Variants in RIT1 observed in about 807,000 individuals in gnomAD.
RIT1 encodes the protein GTP-binding protein Rit1.
RIT1 carries 6 observed loss-of-function variants against 25.6 expected under a neutral mutation model. The observed-to-expected ratio is 0.23, with a 90% CI of 0.13 to 0.46. RIT1 has a LOEUF of 0.46. Ranked by LOEUF, RIT1 falls within the 20% of genes least tolerant of loss-of-function variation. The probability of loss-of-function intolerance (pLI) is 0.99; values close to 1 mark genes in which losing one functional copy is unlikely to be tolerated. For missense variants in RIT1, 219 were observed against 284.4 expected, an observed-to-expected ratio of 0.77 and a Z score of 1.65; for synonymous variants, 81 against 94.1, an observed-to-expected ratio of 0.86 and a Z score of 0.80.
chr1:155,908,853 G>A (rs1673513522), intron 3 of RIT1, among the ~76,000 whole-genome samples: 1 of 151,824 alleles, frequency 6.6e-6, no homozygotes, highest in Middle Eastern at 3.4e-3. Context: ...ATGAGCCACC[G>A]CGCCTGGCCT....
chr1:155,898,492 T>TAAAAAAAAA lies in RIT1; in HGVS notation c.*1887_*1895dup, dbSNP rs139279681. On this transcript the variant is annotated 3_prime_UTR_variant, in exon 6 of 6. Coordinates refer to ENST00000368323, the MANE Select transcript of RIT1 (RefSeq NM_006912.6). Reference sequence around the variant, plus strand: ...AACATAGTGAAACCTCATCTCTATTTAAAAAAAAAAAAAAAAAAAAAAAAA... The same window carrying TAAAAAAAAA: ...AACATAGTGAAACCTCATCTCTATTTAAAAAAAAAAAAAAAAAAAAAAAAAAAAAAAAAA... The TAAAAAAAAA allele has an allele frequency of 8.7e-5, 3 of 34,318 alleles. 1 individual carries two copies. Among genetic ancestry groups the TAAAAAAAAA allele is most frequent in the Non-Finnish European group, 1.7e-4 (3 of 17,780 alleles). 2.1% of individuals were successfully genotyped at this position (34,318 alleles called of 1,614,324 possible). A position where few individuals can be genotyped will look rare whatever the true frequency, so the allele number is the denominator to read the frequency against.
intron 3 of RIT1, among the ~76,000 whole-genome samples, chr1:155,908,729 G>A (rs1220007215): frequency 2.0e-5 from 3 of 151,208 alleles, no homozygotes; most frequent in African/African-American, 7.3e-5. Flanking sequence ...CGCCCGGCTA[G>A]TTTTGGTATT....
At position 155,904,640 on chromosome 1, in the gene RIT1, A is replaced by T. The variant is rs758250608; in HGVS notation, c.237+91T>A. The T allele has an allele frequency of 1.3e-5, 16 of 1,228,810 alleles. No homozygotes were observed. In the South Asian group the frequency reaches 1.6e-4, roughly 12 times the overall value. The allele number at this position is 1,228,810 out of a possible 1,614,324, so 76.1% of individuals were successfully genotyped here. On this transcript the variant is annotated intron_variant, in intron 4 of 5. Coordinates refer to ENST00000368323, the MANE Select transcript of RIT1 (RefSeq NM_006912.6). ...GTCAGAGTGCATGAAAAATTAAGAG[A>T]GATAAACTATTGATCTTCTCTGTGT...
At chr1:155,911,142 A>C (rs1673591016) in intron 1 of RIT1, 101 bp downstream of exon 1, 2 of 550,064 alleles carry the variant, frequency 3.6e-6, no homozygotes, top group Non-Finnish European at 3.2e-6. Flanking sequence ...GGGTTCTCTC[A>C]CGTCTGCGGT....
rs543706593 is a variant in RIT1 at position 155,898,541 on chromosome 1, A to ATATATATC, written c.*1846_*1847insGATATATA. On this transcript the variant is annotated 3_prime_UTR_variant, in exon 6 of 6. Transcript: ENST00000368323. ...AAAATATATATATATATATATATAT[A>ATATATATC]TATCTCTTAATGTTAATAACAATTC... is the stretch of plus-strand genomic sequence containing the variant. The ATATATATC allele has an allele frequency of 0.012, 1,402 of 116,872 alleles. 36 individuals are homozygous for ATATATATC. The highest frequency in any genetic ancestry group is 0.018 in the South Asian group (64 of 3,488). 7.2% of individuals were successfully genotyped at this position (116,872 alleles called of 1,614,324 possible).
intron 4 of RIT1, 114 bp downstream of exon 4, chr1:155,904,617 C>CA: frequency 8.3e-7 from 1 of 1,210,086 alleles, no homozygotes; most frequent in South Asian, 1.3e-5. Context: ...TATCCTGAGT[C>CA]AGAGTGCATG....
intron 5 of RIT1, 152 bp from the exon 6 acceptor site, chr1:155,900,770 T>A: frequency 4.8e-6 from 3 of 627,388 alleles, no homozygotes; most frequent in Non-Finnish European, 8.4e-6. Context: ...TAGGCTAGAT[T>A]ACTTCTAAGG....
rs748272466 is a variant in RIT1, at chr1:155,904,426, C to T, written c.314G>A (p.Arg105His). Residue 105 changes from arginine (R) to histidine (H), a missense_variant, in exon 5 of 6, where the codon CGT (arginine) becomes CAT (histidine). By Grantham distance (29) the Arg-to-His change is conservative. Around this residue, in one of 3 missense-constraint regions of RIT1, gnomAD observed 131 missense variants for 173.6 expected, o/e 0.75. Coordinates refer to ENST00000368323, the MANE Select transcript of RIT1 (RefSeq NM_006912.6). Reference protein sequence around the residue: ...GFIICYSITDRRSFHEVREFK... With the variant: ...GFIICYSITDHRSFHEVREFK... ...CTCACGAACTTCATGGAAACTTCGA[C>T]GATCCGTGATAGAGTAACAGATGAT... 4 of 1,613,904 alleles carry T rather than the reference C, an allele frequency of 2.5e-6. No individual in the cohort carries two copies. Among genetic ancestry groups the T allele is most frequent in the Non-Finnish European group, 3.4e-6 (4 of 1,179,916 alleles).
chr1:155,902,972 C>T (rs1363898549), intron 5 of RIT1, among the ~76,000 whole-genome samples: 1 of 151,056 alleles, frequency 6.6e-6, no homozygotes, highest in Non-Finnish European at 1.5e-5. Context: ...ACCAGCCTGA[C>T]CAACATGGTG....
Sources: gnomAD v4.1 joint callset for allele counts (sites outside exome capture counted in the v4.1 genomes callset) on GRCh38, gnomAD v4.1.1 for gene constraint, gnomAD v4.1.1 regional missense constraint, MANE v1.5 for transcripts, NCBI Gene and HGNC (gene_info 2026-07-23, HGNC 2026-07-21) for gene names.